The following DEXI variants were observed in gnomAD, a reference collection of about 807,000 sequenced individuals.
DEXI encodes dexamethasone-induced protein.
Under a neutral mutation model 2.5 loss-of-function variants are expected in DEXI, and 2 were observed. The ratio of observed to expected loss-of-function variants is 0.81; its 90% confidence interval spans 0.33 to 2.55. The LOEUF (loss-of-function observed/expected upper bound fraction) is 2.55. Among genes scored for constraint, DEXI ranks in the 30% most tolerant of loss-of-function variants. DEXI has a pLI of 0.11. For synonymous variants in DEXI, 71 were observed against 68.7 expected, an observed-to-expected ratio of 1.03 and a Z score of -0.17; for missense variants, 108 against 130.3, an observed-to-expected ratio of 0.83 and a Z score of 0.83.
In DEXI at chr16:10,929,077, G is replaced by T; in HGVS notation, c.*632C>A. The T allele has an allele frequency of 2.5e-6, 1 of 399,030 alleles. No homozygotes were observed. Among genetic ancestry groups the T allele is most frequent in the Non-Finnish European group, 3.4e-6 (1 of 293,800 alleles). 24.7% of individuals were successfully genotyped at this position (399,030 alleles called of 1,614,324 possible). The stretch of plus-strand genomic sequence containing the variant: ...CAACTTGCTGAAGAACGAGTAACCT[G>T]AAATGAAGGAGCGAGAATCCCACCC... On this transcript the variant is annotated 3_prime_UTR_variant, in exon 2 of 2. Coordinates refer to ENST00000331808, the MANE Select transcript of DEXI (RefSeq NM_014015.4). This position sits in a 1 kb window ranked among gnomAD's most constrained non-coding sequence, Gnocchi z 4.3.
chr16:10,933,293 G>C (rs1368056125), intron 1 of DEXI: 1 of 152,290 alleles, frequency 6.6e-6, no homozygotes, highest in African/African-American at 2.4e-5. Flanking sequence ...TAACTCTGCA[G>C]AGAAGCTGCC....
intron 1 of DEXI, chr16:10,932,691 ATTC>A (rs2040849936): frequency 8.3e-6 from 1 of 120,954 alleles, no homozygotes; most frequent in African/African-American, 3.1e-5. Flanking sequence ...CAAAAAAAAA[ATTC>A]TTTTTTTTTT....
In DEXI at chr16:10,941,473, A is replaced by ACTTCT. The variant is rs2041101203; in HGVS notation, c.*149+95_*149+96insAGAAG. 4 of 1,226,984 alleles carry ACTTCT rather than the reference A, an allele frequency of 3.3e-6. No individual in the cohort carries two copies. In the South Asian group the frequency reaches 8.0e-5, roughly 24 times the overall value. The allele number at this position is 1,226,984 out of a possible 1,614,324, so 76.0% of individuals were successfully genotyped here. A position where few individuals can be genotyped will look rare whatever the true frequency, so the allele number is the denominator to read the frequency against. On this transcript the variant is annotated intron_variant, in intron 1 of 1. Coordinates refer to ENST00000331808, the MANE Select transcript of DEXI (RefSeq NM_014015.4). The surrounding 1 kb of genome is among the most constrained non-coding windows in gnomAD (Gnocchi z 6.4). Reference sequence around the variant, plus strand: ...ACCTGGAGGAGGTGAACGGAGGAGAAGCCTGAGGGAGGGGTGTGTATCCGG... The same window carrying ACTTCT: ...ACCTGGAGGAGGTGAACGGAGGAGAACTTCTGCCTGAGGGAGGGGTGTGTATCCGG...
chr16:10,940,325 T>C lies in DEXI; in HGVS notation c.*149+1244A>G, dbSNP rs2145441358. 6.6e-6 allele frequency: 1 copy of C among 152,278 alleles called. No individual in the cohort carries two copies. The allele number at this position is 152,278 out of a possible 1,614,324, so 9.4% of individuals were successfully genotyped here. ...CCTTATAAGAACAGTAAGAGATAAA[T>C]GTTTAAGTCCCCCAGCCTATGGTGT... On this transcript the variant is annotated intron_variant, in intron 1 of 1. Coordinates refer to ENST00000331808, the MANE Select transcript of DEXI (RefSeq NM_014015.4). The surrounding 1 kb of genome is among the most constrained non-coding windows in gnomAD (Gnocchi z 4.2).
Position 10,941,591 on chromosome 16 carries a change from T to C in DEXI, c.*127A>G, listed in dbSNP as rs541195130. Reference sequence around the variant, plus strand: ...TACAGGCCTCGGAGGCAGGGGAGGGTCTCCTCCTGGGGAACCATCCCCGTC... The same window carrying C: ...TACAGGCCTCGGAGGCAGGGGAGGGCCTCCTCCTGGGGAACCATCCCCGTC... On this transcript the variant is annotated 3_prime_UTR_variant, in exon 1 of 2. Coordinates refer to ENST00000331808, the MANE Select transcript of DEXI (RefSeq NM_014015.4). This position sits in a 1 kb window ranked among gnomAD's most constrained non-coding sequence, Gnocchi z 6.4. The C allele has an allele frequency of 1.1e-4, 166 of 1,467,650 alleles. No homozygotes were observed. The East Asian group carries it at 4.0e-3, about 35-fold the overall frequency. 90.9% of individuals were successfully genotyped at this position (1,467,650 alleles called of 1,614,324 possible).
Position 10,936,764 on chromosome 16 carries a change from G to A in DEXI, c.*149+4805C>T, listed in dbSNP as rs1324613983. On this transcript the variant is annotated intron_variant, in intron 1 of 1. Coordinates refer to ENST00000331808, the MANE Select transcript of DEXI (RefSeq NM_014015.4). ...AGTGCTGTGGCCAGGGAACCGGGCT[G>A]GCAGTCTTAGTTGGCTTTGTTCCCT... 3 of 152,186 alleles carry A rather than the reference G, an allele frequency of 2.0e-5. No individual in the cohort carries two copies. In the East Asian group the frequency reaches 5.8e-4, roughly 29 times the overall value. 9.4% of individuals were successfully genotyped at this position (152,186 alleles called of 1,614,324 possible).
rs1415826636 is a variant in DEXI at position 10,928,904 on chromosome 16, C to T, written c.*805G>A. Reference sequence around the variant, plus strand: ...GGGCCCCAGGGGTTGGAGTTGCATACATTTTTTTTTAATCCAAAGAAGTAA... The same window carrying T: ...GGGCCCCAGGGGTTGGAGTTGCATATATTTTTTTTTAATCCAAAGAAGTAA... On this transcript the variant is annotated 3_prime_UTR_variant, in exon 2 of 2. Coordinates refer to ENST00000331808, the MANE Select transcript of DEXI (RefSeq NM_014015.4). 6.6e-6 allele frequency: 1 copy of T among 152,646 alleles called. No individual in the cohort carries two copies. The highest frequency in any genetic ancestry group is 2.1e-4 in the South Asian group (1 of 4,822). 9.5% of individuals were successfully genotyped at this position (152,646 alleles called of 1,614,324 possible).
Position 10,941,665 on chromosome 16 carries a change from C to T in DEXI, c.*53G>A, listed in dbSNP as rs1383892188. Reference sequence around the variant, plus strand: ...CGGCGGCATGATCTGGGCGGCTGGTCCAGGGCATGGGTTGCGGATCGTGTA... The same window carrying T: ...CGGCGGCATGATCTGGGCGGCTGGTTCAGGGCATGGGTTGCGGATCGTGTA... On this transcript the variant is annotated 3_prime_UTR_variant, in exon 1 of 2. Transcript: ENST00000331808. The surrounding 1 kb of genome is among the most constrained non-coding windows in gnomAD (Gnocchi z 6.4). 13 of 1,552,332 alleles carry T rather than the reference C, an allele frequency of 8.4e-6. No homozygotes were observed. In the East Asian group the frequency reaches 2.5e-4, roughly 30 times the overall value.
chr16:10,931,016 G>C (rs1318545454), intron 1 of DEXI: 1 of 152,326 alleles, frequency 6.6e-6, no homozygotes, highest in Non-Finnish European at 1.5e-5. Flanking sequence ...AGATTTGTGT[G>C]GATAGGGTGT....
chr16:10,941,030 G>C lies in DEXI; in HGVS notation c.*149+539C>G, dbSNP rs1029091174. 6.6e-6 allele frequency: 1 copy of C among 152,338 alleles called. No individual in the cohort carries two copies. The highest frequency in any genetic ancestry group is 1.5e-5 in the Non-Finnish European group (1 of 68,140). The allele number at this position is 152,338 out of a possible 1,614,324, so 9.4% of individuals were successfully genotyped here. On this transcript the variant is annotated intron_variant, in intron 1 of 1. Transcript: ENST00000331808. The surrounding 1 kb of genome is among the most constrained non-coding windows in gnomAD (Gnocchi z 6.4). ...GCAGCAAACCCAAGGCCAAAAGGAA[G>C]TACGGGCTTCTTTGCTTGCGATTTC...
chr16:10,942,148 T>C lies in DEXI; in HGVS notation c.-143A>G. 1.6e-6 allele frequency: 1 copy of C among 613,176 alleles called. No individual in the cohort carries two copies. Among genetic ancestry groups the C allele is most frequent in the Non-Finnish European group, 2.5e-6 (1 of 406,566 alleles). The allele number at this position is 613,176 out of a possible 1,614,324, so 38.0% of individuals were successfully genotyped here. ...GCAGGGCCGGGCTCCAGATGTCCCC[T>C]GGCAATTGCGCCCCGACCCCCGAAA... On this transcript the variant is annotated 5_prime_UTR_variant, in exon 1 of 2. Coordinates refer to ENST00000331808, the MANE Select transcript of DEXI (RefSeq NM_014015.4). This position sits in a 1 kb window ranked among gnomAD's most constrained non-coding sequence, Gnocchi z 5.0.
At chr16:10,931,969 G>C (rs1357982756) in intron 1 of DEXI, 1 of 152,222 alleles carries the variant, frequency 6.6e-6, no homozygotes, top group African/African-American at 2.4e-5. Flanking sequence ...TAATAGTTCA[G>C]GTAACAGGCA....
intron 1 of DEXI, chr16:10,930,148 C>T (rs2145305236): frequency 6.6e-6 from 1 of 152,518 alleles, no homozygotes; most frequent in African/African-American, 2.4e-5. Flanking sequence ...GCCAGTGTCT[C>T]TGTAGCACCT....
At position 10,942,341 on chromosome 16, in the gene DEXI, C is replaced by T. The variant is rs914031706; in HGVS notation, c.-336G>A. 6 of 246,872 alleles carry T rather than the reference C, an allele frequency of 2.4e-5. No individual in the cohort carries two copies. Among genetic ancestry groups the T allele is most frequent in the African/African-American group, 1.2e-4 (5 of 43,020 alleles). The allele number at this position is 246,872 out of a possible 1,614,324, so 15.3% of individuals were successfully genotyped here. A position where few individuals can be genotyped will look rare whatever the true frequency, so the allele number is the denominator to read the frequency against. On this transcript the variant is annotated 5_prime_UTR_variant, in exon 1 of 2. An upstream open reading frame in the 5' UTR loses its in-frame stop. Coordinates refer to ENST00000331808, the MANE Select transcript of DEXI (RefSeq NM_014015.4). The surrounding 1 kb of genome is among the most constrained non-coding windows in gnomAD (Gnocchi z 5.0). ...AGCCGGTGGGGATCCCACCGCGGCT[C>T]AGTGTCTAGGGCCGGTCCCGGCAGC... is the stretch of plus-strand genomic sequence containing the variant.
At position 10,934,810 on chromosome 16, in the gene DEXI, C is replaced by T. The variant is rs1350056317; in HGVS notation, c.*150-5251G>A. ...GTTCCCCGCCACTCCAAGCTTGGGG[C>T]CTGGGATGGCAGCTGTGAGGGCACC... On this transcript the variant is annotated intron_variant, in intron 1 of 1. Coordinates refer to ENST00000331808, the MANE Select transcript of DEXI (RefSeq NM_014015.4). This position sits in a 1 kb window ranked among gnomAD's most constrained non-coding sequence, Gnocchi z 4.2. 6.6e-6 allele frequency: 1 copy of T among 152,240 alleles called. No homozygotes were observed. Among genetic ancestry groups the T allele is most frequent in the Non-Finnish European group, 1.5e-5 (1 of 68,056 alleles). The allele number at this position is 152,240 out of a possible 1,614,324, so 9.4% of individuals were successfully genotyped here.
intron 1 of DEXI, chr16:10,933,262 T>C (rs989717634): frequency 1.5e-4 from 23 of 152,282 alleles, no homozygotes; most frequent in African/African-American, 5.1e-4. Context: ...ATCCCCTTCG[T>C]GAAGCAATGT....
rs2041103545 is a variant in DEXI at position 10,941,598 on chromosome 16, C to T, written c.*120G>A. On this transcript the variant is annotated 3_prime_UTR_variant, in exon 1 of 2. Transcript: ENST00000331808. This position sits in a 1 kb window ranked among gnomAD's most constrained non-coding sequence, Gnocchi z 6.4. ...CTCGGAGGCAGGGGAGGGTCTCCTCCTGGGGAACCATCCCCGTCCAGATGG... is the reference window on the plus strand; with the variant it reads ...CTCGGAGGCAGGGGAGGGTCTCCTCTTGGGGAACCATCCCCGTCCAGATGG... The T allele has an allele frequency of 1.3e-6, 2 of 1,485,252 alleles. No homozygotes were observed. Among genetic ancestry groups the T allele is most frequent in the Non-Finnish European group, 8.9e-7 (1 of 1,118,680 alleles). The allele number at this position is 1,485,252 out of a possible 1,614,324, so 92.0% of individuals were successfully genotyped here.
Position 10,938,842 on chromosome 16 carries a change from G to A in DEXI, c.*149+2727C>T, listed in dbSNP as rs909861965. ...TTCCTGGTGTTTCTGCTTAAACAGC[G>A]TTTGCTGCAAAATATGTCGAAGCAT... On this transcript the variant is annotated intron_variant, in intron 1 of 1. Coordinates refer to ENST00000331808, the MANE Select transcript of DEXI (RefSeq NM_014015.4). This position sits in a 1 kb window ranked among gnomAD's most constrained non-coding sequence, Gnocchi z 4.9. The A allele has an allele frequency of 1.3e-5, 2 of 152,210 alleles. No homozygotes were observed. Among genetic ancestry groups the A allele is most frequent in the African/African-American group, 2.4e-5 (1 of 41,440 alleles). The allele number at this position is 152,210 out of a possible 1,614,324, so 9.4% of individuals were successfully genotyped here. A position where few individuals can be genotyped will look rare whatever the true frequency, so the allele number is the denominator to read the frequency against.
Position 10,942,231 on chromosome 16 carries a change from G to A in DEXI, c.-226C>T. On this transcript the variant is annotated 5_prime_UTR_variant, in exon 1 of 2. Transcript: ENST00000331808. The surrounding 1 kb of genome is among the most constrained non-coding windows in gnomAD (Gnocchi z 5.0). ...GCCCCCAAGGATCTCTCGACCGCCCGGGCGGCGAGGCGGGCCCCCCTGAAG... is the reference window on the plus strand; with the variant it reads ...GCCCCCAAGGATCTCTCGACCGCCCAGGCGGCGAGGCGGGCCCCCCTGAAG... 2.6e-6 allele frequency: 1 copy of A among 384,844 alleles called. No homozygotes were observed. The allele number at this position is 384,844 out of a possible 1,614,324, so 23.8% of individuals were successfully genotyped here.
Sources: allele counts gnomAD v4.1 joint callset, GRCh38; gene constraint gnomAD v4.1.1; non-coding constraint Gnocchi (gnomAD v3.1); transcripts MANE v1.5; gene names NCBI Gene and HGNC (gene_info 2026-07-23, HGNC 2026-07-21).